Variants in PAN3 observed in about 807,000 individuals in gnomAD.
The protein encoded by PAN3 is poly(A) specific ribonuclease subunit PAN3.
In PAN3, 19 loss-of-function variants were observed where a neutral mutation model predicts 96.2. That is an observed-to-expected ratio of 0.20 (90% CI 0.14 to 0.29). The LOEUF (loss-of-function observed/expected upper bound fraction) is 0.29, where lower values mean the gene tolerates loss of function less well. Among genes scored for constraint, PAN3 ranks in the 10% least tolerant of loss-of-function variants. PAN3 has a pLI of 1.00. For synonymous variants in PAN3, 433 were observed against 406.6 expected, an observed-to-expected ratio of 1.06 and a Z score of -0.78; for missense variants, 882 against 1,108.1, an observed-to-expected ratio of 0.80 and a Z score of 2.90.
chr13:28,150,054 C>G (rs1044130044), intron 1 of PAN3, among the ~76,000 whole-genome samples: 2 of 152,140 alleles, frequency 1.3e-5, no homozygotes, highest in Non-Finnish European at 2.9e-5. Context: ...TAAGTTTACT[C>G]TGCTGTAATA....
intron 9 of PAN3, among the ~76,000 whole-genome samples, chr13:28,264,860 A>G (rs1259510234): frequency 6.6e-6 from 1 of 152,210 alleles, no homozygotes; most frequent in Non-Finnish European, 1.5e-5. Context: ...ACAAGGCTTT[A>G]GGTGATTGTG....
At chr13:28,164,050 GGCACTGCACTCCA>G (rs756418277) in intron 1 of PAN3, among the ~76,000 whole-genome samples, 1 of 152,060 alleles carries the variant, frequency 6.6e-6, no homozygotes, top group Non-Finnish European at 1.5e-5. Context: ...TTGAGATTGT[GGCACTGCACTCCA>G]GCCTGGGCAA....
Position 28,260,469 on chromosome 13 carries a change from A to G in PAN3, c.1271A>G (p.Tyr424Cys). The change falls in exon 8 of 19, where the codon TAT (tyrosine) becomes TGT (cysteine). Residue 424 changes from tyrosine (Y) to cysteine (C), a missense_variant. Tyr to Cys is a radical substitution (Grantham distance 194). Transcript: ENST00000380958. ...TAGGTGTTTCCAAACTATCATATTT[A>G]TCCTCCAACTGCACCTCACGTTGCT... Reference protein sequence around the residue: ...TGMVFPNYHIYPPTAPHVAYM... With the variant: ...TGMVFPNYHICPPTAPHVAYM... 1 of 1,612,926 alleles carries G rather than the reference A, an allele frequency of 6.2e-7. No homozygotes were observed.
intron 4 of PAN3, among the ~76,000 whole-genome samples, chr13:28,185,875 A>G (rs1281116523): frequency 1.3e-5 from 2 of 152,054 alleles, no homozygotes; most frequent in African/African-American, 2.4e-5. Flanking sequence ...TGGTCATTCT[A>G]TTTGCGAAGT....
At chr13:28,248,548 AG>A (rs1884423826) in intron 6 of PAN3, among the ~76,000 whole-genome samples, 1 of 151,878 alleles carries the variant, frequency 6.6e-6, no homozygotes, top group African/African-American at 2.4e-5. Context: ...AATTTAAGAC[AG>A]GGACTCGCTC....
chr13:28,202,668 C>A (rs767880073), intron 5 of PAN3, among the ~76,000 whole-genome samples: 1 of 152,074 alleles, frequency 6.6e-6, no homozygotes, highest in Non-Finnish European at 1.5e-5. Flanking sequence ...TACACACACA[C>A]ACACACACAC....
intron 4 of PAN3, among the ~76,000 whole-genome samples, chr13:28,181,236 C>A (rs9319419): frequency 6.6e-6 from 1 of 151,864 alleles, no homozygotes; most frequent in African/African-American, 2.4e-5. Context: ...CAGTCTGTTA[C>A]AATGGCTCAT....
chr13:28,293,401 T>G lies in PAN3; in HGVS notation c.*879T>G, dbSNP rs1869998427. The G allele has an allele frequency of 4.2e-5, 6 of 141,220 alleles. No individual in the cohort carries two copies. The highest frequency in any genetic ancestry group is 7.7e-5 in the Non-Finnish European group (5 of 64,930). 8.7% of individuals were successfully genotyped at this position (141,220 alleles called of 1,614,324 possible). On this transcript the variant is annotated 3_prime_UTR_variant, in exon 19 of 19. Transcript: ENST00000380958. ...CCAGTTTGCTGGTTTTTTTTTTTTT[T>G]TTTTTTTTTTTTTTTGGGCGGGGGG...
At chr13:28,218,486 G>A (rs2138367767) in intron 5 of PAN3, among the ~76,000 whole-genome samples, 1 of 152,264 alleles carries the variant, frequency 6.6e-6, no homozygotes, top group African/African-American at 2.4e-5. Context: ...CAGATTCATT[G>A]TTGAGTAGGT....
At chr13:28,245,674 C>T (rs1029413791) in intron 6 of PAN3, among the ~76,000 whole-genome samples, 1 of 152,148 alleles carries the variant, frequency 6.6e-6, no homozygotes, top group Non-Finnish European at 1.5e-5. Flanking sequence ...CAACACTTCC[C>T]GTTTTTCTCT....
chr13:28,204,848 TATA>T (rs1217548155), intron 5 of PAN3, among the ~76,000 whole-genome samples: 1 of 152,210 alleles, frequency 6.6e-6, no homozygotes, highest in African/African-American at 2.4e-5. Flanking sequence ...AATCATAAGT[TATA>T]ATATTACTAT....
chr13:28,161,187 GTATGTT>G (rs1232850324), intron 1 of PAN3, among the ~76,000 whole-genome samples: 2 of 151,868 alleles, frequency 1.3e-5, no homozygotes, highest in Non-Finnish European at 2.9e-5. Context: ...TGGCTCTATT[GTATGTT>G]TTCGGGGGCG....
chr13:28,254,495 A>T (rs1432485005), intron 6 of PAN3, among the ~76,000 whole-genome samples: 1 of 152,184 alleles, frequency 6.6e-6, no homozygotes, highest in African/African-American at 2.4e-5. Flanking sequence ...GGAAAGTCTT[A>T]GAGACTAGCT....
chr13:28,261,832 CAA>C (rs10636889), intron 9 of PAN3, among the ~76,000 whole-genome samples: 1 of 112,702 alleles, frequency 8.9e-6, no homozygotes, highest in Non-Finnish European at 1.7e-5. Flanking sequence ...GACCCTGTCT[CAA>C]AAAAAAAAAA....
At chr13:28,261,319 T>C in intron 8 of PAN3, 82 bp from the exon 9 acceptor site, 2 of 949,004 alleles carry the variant, frequency 2.1e-6, no homozygotes, top group Non-Finnish European at 3.1e-6. Flanking sequence ...AAAATATTAA[T>C]ACTTAGGTTA....
In PAN3 at chr13:28,192,148, C is replaced by G. The variant is rs1348442386; in HGVS notation, c.691-5037C>G. Reference sequence around the variant, plus strand: ...GCAGCGGCACCATCTCAGCTCACTGCAGCCTCCGCCTCCTGGGTTCAAGAG... The same window carrying G: ...GCAGCGGCACCATCTCAGCTCACTGGAGCCTCCGCCTCCTGGGTTCAAGAG... On this transcript the variant is annotated intron_variant, in intron 4 of 18. Transcript: ENST00000380958. 3.3e-5 allele frequency among the ~76,000 whole-genome samples: 5 copies of G among 151,490 alleles called. No individual in the cohort carries two copies. The East Asian group carries it at 7.7e-4, about 23-fold the overall frequency.
At chr13:28,260,069 T>A (rs1885565816) in intron 7 of PAN3, among the ~76,000 whole-genome samples, 1 of 152,208 alleles carries the variant, frequency 6.6e-6, no homozygotes, top group Admixed American at 6.5e-5. Flanking sequence ...AGATTAAAAT[T>A]TTATCAAAAC....
rs189560199 is a variant in PAN3 at position 28,167,808 on chromosome 13, C to T, written c.431-6464C>T. Among the ~76,000 whole-genome samples, 614 of 152,234 alleles carry T rather than the reference C, an allele frequency of 4.0e-3. 5 individuals are homozygous for T. The highest frequency in any genetic ancestry group is 0.013 in the Admixed American group (191 of 15,274). On this transcript the variant is annotated intron_variant, in intron 1 of 18. Transcript: ENST00000380958. ...GCAGTGAGCTTAGATTGCGCCACCG[C>T]ACTCCAGCCTGGGTGACTGAGACCC...
At chr13:28,290,046 G>A (rs1869548071) in intron 18 of PAN3, among the ~76,000 whole-genome samples, 1 of 152,238 alleles carries the variant, frequency 6.6e-6, no homozygotes, top group Admixed American at 6.5e-5. Context: ...GGTAAGCCAT[G>A]GCCTGCAGGC....
Sources: gnomAD v4.1 joint callset for allele counts (sites outside exome capture counted in the v4.1 genomes callset) on GRCh38, gnomAD v4.1.1 for gene constraint, MANE v1.5 for transcripts, NCBI Gene and HGNC (gene_info 2026-07-23, HGNC 2026-07-21) for gene names.